GLCCI1: variants seen among roughly 807,000 people sequenced by gnomAD.
GLCCI1 encodes glucocorticoid-induced transcript 1 protein.
A neutral mutation model predicts 52.2 loss-of-function variants in GLCCI1; 24 were observed. The observed-to-expected ratio is 0.46, with a 90% CI of 0.33 to 0.65. The LOEUF is 0.65. Ranked by LOEUF, GLCCI1 falls within the 30% of genes least tolerant of loss-of-function variation. The pLI is 0.02. For missense variants in GLCCI1, 704 were observed against 701.5 expected, an observed-to-expected ratio of 1.00 and a Z score of -0.04; for synonymous variants, 310 against 276.5, an observed-to-expected ratio of 1.12 and a Z score of -1.20.
chr7:8,077,557 C>T (rs1446709537), intron 6 of GLCCI1, among the ~76,000 whole-genome samples: 1 of 152,220 alleles, frequency 6.6e-6, no homozygotes, highest in Non-Finnish European at 1.5e-5. Context: ...ACAAGCTACT[C>T]AATCGATCTG....
At chr7:8,079,420 A>G (rs544284242) in intron 6 of GLCCI1, among the ~76,000 whole-genome samples, 3 of 150,878 alleles carry the variant, frequency 2.0e-5, no homozygotes, top group Non-Finnish European at 4.4e-5. Context: ...GTGCAATCCA[A>G]TTTATTTTGT....
chr7:7,988,153 G>A (rs1780774244), intron 1 of GLCCI1, among the ~76,000 whole-genome samples: 1 of 152,088 alleles, frequency 6.6e-6, no homozygotes, highest in African/African-American at 2.4e-5. Flanking sequence ...TAGAACTAAG[G>A]CAGCACTGGA....
chr7:8,077,232 C>T (rs148900653), intron 6 of GLCCI1, among the ~76,000 whole-genome samples: 2 of 152,134 alleles, frequency 1.3e-5, no homozygotes, highest in African/African-American at 4.8e-5. Context: ...TGGAGTTTTC[C>T]TCCCCCATTA....
intron 2 of GLCCI1, among the ~76,000 whole-genome samples, 171 bp from the exon 3 acceptor site, chr7:8,022,312 T>C (rs1457901639): frequency 1.3e-5 from 2 of 152,164 alleles, no homozygotes; most frequent in Non-Finnish European, 2.9e-5. Context: ...ATTCAGAATA[T>C]GGCAGAATAT....
intron 6 of GLCCI1, among the ~76,000 whole-genome samples, chr7:8,074,903 G>A (rs950276464): frequency 6.6e-6 from 1 of 152,178 alleles, no homozygotes; most frequent in African/African-American, 2.4e-5. Context: ...GATTTGTTCT[G>A]TGGTAGAGTA....
At chr7:8,083,150 T>C (rs908186378) in intron 6 of GLCCI1, among the ~76,000 whole-genome samples, 1 of 152,194 alleles carries the variant, frequency 6.6e-6, no homozygotes, top group African/African-American at 2.4e-5. Context: ...TGTGGATACA[T>C]AGGTGTATAT....
chr7:8,010,619 T>A (rs753933402), intron 2 of GLCCI1, among the ~76,000 whole-genome samples: 1 of 152,240 alleles, frequency 6.6e-6, no homozygotes, highest in South Asian at 2.1e-4. Flanking sequence ...TATCTGATTT[T>A]GTTTTAAAAA....
At chr7:7,997,759 C>G (rs1483119876) in intron 1 of GLCCI1, among the ~76,000 whole-genome samples, 1 of 151,950 alleles carries the variant, frequency 6.6e-6, no homozygotes, top group Non-Finnish European at 1.5e-5. Flanking sequence ...GAAACCCTGT[C>G]TCTACAAAAA....
chr7:8,027,787 G>A (rs1342414362), intron 3 of GLCCI1, among the ~76,000 whole-genome samples: 1 of 152,102 alleles, frequency 6.6e-6, no homozygotes, highest in Non-Finnish European at 1.5e-5. Context: ...GATATTCCAT[G>A]CCAGTGGAAA....
chr7:8,003,673 G>T (rs1781090056), intron 1 of GLCCI1, among the ~76,000 whole-genome samples: 1 of 152,134 alleles, frequency 6.6e-6, no homozygotes, highest in African/African-American at 2.4e-5. Flanking sequence ...ATATAAAATG[G>T]ATAGGCTTCA....
chr7:7,986,564 C>A (rs974555578), intron 1 of GLCCI1, among the ~76,000 whole-genome samples: 1 of 152,040 alleles, frequency 6.6e-6, no homozygotes, highest in African/African-American at 2.4e-5. Context: ...GTGTATTTTT[C>A]TGTGTTACTG....
intron 5 of GLCCI1, among the ~76,000 whole-genome samples, chr7:8,063,675 G>A (rs1398402277): frequency 7.2e-6 from 1 of 139,708 alleles, no homozygotes; most frequent in African/African-American, 2.7e-5. Context: ...CTGGAGTATA[G>A]CGGCACAGTC....
chr7:8,064,870 G>A (rs985766849), intron 5 of GLCCI1, among the ~76,000 whole-genome samples: 6 of 151,962 alleles, frequency 3.9e-5, no homozygotes, highest in Non-Finnish European at 5.9e-5. Context: ...ACCATGCCCA[G>A]CGAATTTTTT....
In GLCCI1 at chr7:7,989,900, C is replaced by G. The variant is rs530837813; in HGVS notation, c.458-14008C>G. Among the ~76,000 whole-genome samples the G allele has an allele frequency of 3.9e-5, 6 of 152,190 alleles. No individual in the cohort carries two copies. The South Asian group carries it at 1.0e-3, about 26-fold the overall frequency. On this transcript the variant is annotated intron_variant, in intron 1 of 7. Transcript: ENST00000223145. ...GCTGAGATATAGGTGAAAAGAGAGACAGATACAAGTGTGTGATCTCCATGA... is the reference window on the plus strand; with the variant it reads ...GCTGAGATATAGGTGAAAAGAGAGAGAGATACAAGTGTGTGATCTCCATGA...
At chr7:8,053,946 T>C (rs1348461977) in intron 3 of GLCCI1, among the ~76,000 whole-genome samples, 1 of 152,186 alleles carries the variant, frequency 6.6e-6, no homozygotes, top group Non-Finnish European at 1.5e-5. Flanking sequence ...CAGGGGTTTG[T>C]TAAGTTGGCT....
chr7:7,980,035 G>C (rs541960070), intron 1 of GLCCI1, among the ~76,000 whole-genome samples: 1 of 152,170 alleles, frequency 6.6e-6, no homozygotes, highest in African/African-American at 2.4e-5. Flanking sequence ...TCCTGCCTCA[G>C]CCTCCCAAAT....
At chr7:8,084,264 G>C (rs995022482) in intron 6 of GLCCI1, among the ~76,000 whole-genome samples, 1 of 152,150 alleles carries the variant, frequency 6.6e-6, no homozygotes, top group Non-Finnish European at 1.5e-5. Flanking sequence ...GAGATGTTTG[G>C]AGATTTTGCA....
intron 3 of GLCCI1, among the ~76,000 whole-genome samples, chr7:8,046,555 A>G (rs1203704866): frequency 6.6e-6 from 1 of 152,242 alleles, no homozygotes; most frequent in African/African-American, 2.4e-5. Flanking sequence ...ATAACTTCTT[A>G]TCGGAATTCA....
chr7:7,971,325 G>C (rs578228826), intron 1 of GLCCI1, among the ~76,000 whole-genome samples: 3 of 152,282 alleles, frequency 2.0e-5, no homozygotes, highest in East Asian at 3.9e-4. Context: ...TATAGAAAAG[G>C]CCACCATTTT....
Sources: gnomAD v4.1 joint callset for allele counts (sites outside exome capture counted in the v4.1 genomes callset) on GRCh38, gnomAD v4.1.1 for gene constraint, MANE v1.5 for transcripts, NCBI Gene and HGNC (gene_info 2026-07-23, HGNC 2026-07-21) for gene names.